Variants in KDM5A observed in about 807,000 individuals in gnomAD.
The protein encoded by KDM5A is lysine demethylase 5A.
In KDM5A, 42 loss-of-function variants were observed where a neutral mutation model predicts 193.5. That is an observed-to-expected ratio of 0.22 (90% CI 0.17 to 0.28). The LOEUF is 0.28. Among genes scored for constraint, KDM5A ranks in the 10% least tolerant of loss-of-function variants. KDM5A has a pLI of 1.00. For synonymous variants in KDM5A, 796 were observed against 718.1 expected, an observed-to-expected ratio of 1.11 and a Z score of -1.73; for missense variants, 1,692 against 2,055.1, an observed-to-expected ratio of 0.82 and a Z score of 3.42.
At chr12:355,992 T>C (rs1340941679) in intron 6 of KDM5A, among the ~76,000 whole-genome samples, 6 of 152,228 alleles carry the variant, frequency 3.9e-5, no homozygotes. Flanking sequence ...GAAAACAGTT[T>C]ATTCAAATGA....
At chr12:370,879 T>C (rs1476948644) in intron 3 of KDM5A, among the ~76,000 whole-genome samples, 2 of 152,198 alleles carry the variant, frequency 1.3e-5, no homozygotes, top group South Asian at 2.1e-4. Flanking sequence ...GGTTTTCTGT[T>C]CTTGTGACAG....
intron 24 of KDM5A, among the ~76,000 whole-genome samples, chr12:305,487 G>A (rs928950255): frequency 6.6e-6 from 1 of 152,108 alleles, no homozygotes; most frequent in Non-Finnish European, 1.5e-5. Context: ...ATGCTGATCT[G>A]CAAGCTGAAA....
chr12:293,788 AGG>A (rs34107168), intron 26 of KDM5A, among the ~76,000 whole-genome samples: 5,677 of 82,878 alleles, frequency 0.068, 425 homozygotes, highest in East Asian at 0.33. Context: ...CAAAAAAAAA[AGG>A]GGGGGGGGGG....
In KDM5A at chr12:309,905, T is replaced by C. The variant is rs1452589068; in HGVS notation, c.3276A>G (p.Lys1092=). The part of the protein sequence containing the change: ...VYGSGKNRRK[K]VKELIEKEKE... Reference sequence around the variant, plus strand: ...TTTCTTTTTCTATTAGTTCTTTTACTTTTTTCCTCCTATTTTTGCCACTCC... The same window carrying C: ...TTTCTTTTTCTATTAGTTCTTTTACCTTTTTCCTCCTATTTTTGCCACTCC... Residue 1092 remains lysine (K), a synonymous_variant, in exon 22 of 28, where the codon AAA becomes AAG. Transcript: ENST00000399788. 1.2e-6 allele frequency: 2 copies of C among 1,613,560 alleles called. No homozygotes were observed. The highest frequency in any genetic ancestry group is 1.3e-5 in the African/African-American group (1 of 74,866).
In KDM5A at chr12:307,567, G is replaced by A. The variant is rs200331200; in HGVS notation, c.3817C>T (p.Leu1273=). 1.2e-5 allele frequency: 19 copies of A among 1,614,010 alleles called. No homozygotes were observed. In the Middle Eastern group the frequency reaches 4.9e-4, roughly 42 times the overall value. The change falls in exon 23 of 28, where the codon CTG becomes TTG. Residue 1273 remains leucine, a synonymous_variant. Coordinates refer to ENST00000399788, the MANE Select transcript of KDM5A (RefSeq NM_001042603.3). The surrounding 1 kb of genome is among the most constrained non-coding windows in gnomAD (Gnocchi z 4.3). Reference sequence around the variant, plus strand: ...TGGCTCAACACAGATAGTTTGGCCAGGGCAGAGGATAGTTCATCTGTGGCT... The same window carrying A: ...TGGCTCAACACAGATAGTTTGGCCAAGGCAGAGGATAGTTCATCTGTGGCT... The part of the protein sequence containing the change: ...ALATDELSSA[L]AKLSVLSQRM...
At chr12:290,115 C>T (rs1286047693) in intron 27 of KDM5A, among the ~76,000 whole-genome samples, 3 of 151,996 alleles carry the variant, frequency 2.0e-5, no homozygotes, top group African/African-American at 7.2e-5. Flanking sequence ...GCCACTGCAG[C>T]TGGCAAAGGC....
chr12:383,027 A>C (rs1319777667), intron 3 of KDM5A, among the ~76,000 whole-genome samples: 1 of 152,170 alleles, frequency 6.6e-6, no homozygotes, highest in African/African-American at 2.4e-5. Flanking sequence ...ATAATGTTAA[A>C]AAATTAACAC....
chr12:378,079 A>G (rs1478633576), intron 3 of KDM5A, among the ~76,000 whole-genome samples: 1 of 152,208 alleles, frequency 6.6e-6, no homozygotes, highest in African/African-American at 2.4e-5. Flanking sequence ...TCTTACACCC[A>G]TTCTCCATCT....
At chr12:292,405 C>A (rs373523210) in intron 27 of KDM5A, among the ~76,000 whole-genome samples, 1 of 152,088 alleles carries the variant, frequency 6.6e-6, no homozygotes, top group Non-Finnish European at 1.5e-5. Flanking sequence ...TGTGACTATC[C>A]GACAAGGTAT....
chr12:364,741 C>G (rs566938734), intron 4 of KDM5A, among the ~76,000 whole-genome samples: 3 of 146,374 alleles, frequency 2.0e-5, no homozygotes, highest in Non-Finnish European at 1.5e-5. Context: ...GCCGAGATCG[C>G]GCCACTGCAC....
intron 3 of KDM5A, among the ~76,000 whole-genome samples, chr12:381,314 T>G (rs1333343685): frequency 3.3e-5 from 5 of 151,940 alleles, no homozygotes; most frequent in Admixed American, 2.6e-4. Context: ...TTCATCATGT[T>G]GGCCAGGCTG....
chr12:337,932 C>T (rs900379188), intron 10 of KDM5A, among the ~76,000 whole-genome samples: 15 of 152,008 alleles, frequency 9.9e-5, no homozygotes, highest in East Asian at 3.9e-4. Context: ...CATGAGCCAC[C>T]GTGCCCAGCC....
Position 310,872 on chromosome 12 carries a change from G to A in KDM5A, c.3216+13C>T. ...ATTATCAGCTGCTTATGAGAGTGTT[G>A]AAGTTCAAGTACCTGTAACAATGTA... On this transcript the variant is annotated intron_variant, in intron 21 of 27. Coordinates refer to ENST00000399788, the MANE Select transcript of KDM5A (RefSeq NM_001042603.3). 6.2e-7 allele frequency: 1 copy of A among 1,613,380 alleles called. No individual in the cohort carries two copies. The highest frequency in any genetic ancestry group is 1.3e-5 in the African/African-American group (1 of 75,002).
At chr12:385,268 C>G (rs1004655721) in intron 2 of KDM5A, among the ~76,000 whole-genome samples, 4 of 151,218 alleles carry the variant, frequency 2.6e-5, no homozygotes, top group Admixed American at 2.0e-4. Context: ...ACATAATAAA[C>G]CTTTGCTATC....
At chr12:321,583 T>C (rs1324215008) in intron 17 of KDM5A, among the ~76,000 whole-genome samples, 1 of 152,188 alleles carries the variant, frequency 6.6e-6, no homozygotes, top group Non-Finnish European at 1.5e-5. Context: ...TCAATGTCTC[T>C]AAGAAAAGTT....
chr12:300,313 T>A (rs902475146), intron 24 of KDM5A, among the ~76,000 whole-genome samples: 1 of 151,868 alleles, frequency 6.6e-6, no homozygotes, highest in Admixed American at 6.6e-5. Context: ...TGCAAAAGAA[T>A]GGAAATAATA....
At chr12:353,192 A>C (rs1470711186) in intron 8 of KDM5A, among the ~76,000 whole-genome samples, 1 of 152,012 alleles carries the variant, frequency 6.6e-6, no homozygotes, top group East Asian at 1.9e-4. Context: ...AAAATACAAA[A>C]ATTAGCTGGG....
intron 5 of KDM5A, among the ~76,000 whole-genome samples, chr12:357,716 T>C (rs1944244209): frequency 6.7e-6 from 1 of 148,188 alleles, no homozygotes; most frequent in African/African-American, 2.5e-5. Flanking sequence ...TAGTCCCAGC[T>C]ACTTGGGAGG....
At position 333,589 on chromosome 12, in the gene KDM5A, C is replaced by T; in HGVS notation, c.1551G>A (p.Val517=). Residue 517 remains valine, a synonymous_variant, in exon 12 of 28, where the codon GTG becomes GTA. Coordinates refer to ENST00000399788, the MANE Select transcript of KDM5A (RefSeq NM_001042603.3). The stretch of plus-strand genomic sequence containing the variant: ...ATAACTCGGGGGCCAGCTCTCTCAT[C>T]ACCTCCTCCAGTTGCTCTGCAGCAT... The part of the protein sequence containing the change: ...PSHAAEQLEE[V]MRELAPELFE... 6.2e-7 allele frequency: 1 copy of T among 1,614,110 alleles called. No homozygotes were observed. The highest frequency in any genetic ancestry group is 8.5e-7 in the Non-Finnish European group (1 of 1,180,002).
Sources: allele counts gnomAD v4.1 joint callset (sites outside exome capture counted in the v4.1 genomes callset), GRCh38; gene constraint gnomAD v4.1.1; non-coding constraint Gnocchi (gnomAD v3.1); transcripts MANE v1.5; gene names NCBI Gene and HGNC (gene_info 2026-07-23, HGNC 2026-07-21).